The following CACNA1C variants were observed in gnomAD, a reference collection of about 807,000 sequenced individuals.
The protein encoded by CACNA1C is calcium voltage-gated channel subunit alpha1 C, also known as voltage-dependent L-type calcium channel subunit alpha-1C.
A neutral mutation model predicts 229.0 loss-of-function variants in CACNA1C; 30 were observed. The ratio of observed to expected loss-of-function variants is 0.13; its 90% CI spans 0.10 to 0.18. CACNA1C has a LOEUF of 0.18. CACNA1C is among the 10% of genes least tolerant of loss of function. The probability of loss-of-function intolerance (pLI) is 1.00; values close to 1 mark genes in which losing one functional copy is unlikely to be tolerated. For missense variants in CACNA1C, 1,658 were observed against 2,845.0 expected (o/e 0.58, Z 9.49); for synonymous variants, 1,114 against 1,132.5 (o/e 0.98, Z 0.33).
At chr12:2,606,567 A>C in intron 24 of CACNA1C, 44 bp from the exon 25 acceptor site, 1 of 1,522,298 alleles carries the variant, frequency 6.6e-7, no homozygotes. Context: ...GGATTGACTC[A>C]TTGATTACTG....
chr12:2,379,961 G>A (rs1042206830), intron 3 of CACNA1C, among the ~76,000 whole-genome samples: 3 of 144,868 alleles, frequency 2.1e-5, no homozygotes, highest in African/African-American at 7.7e-5. Context: ...AACCCGGGAG[G>A]CGGAGCTTGC....
At chr12:2,523,079 C>T (rs748009338) in intron 9 of CACNA1C, among the ~76,000 whole-genome samples, 1 of 145,036 alleles carries the variant, frequency 6.9e-6, no homozygotes, top group African/African-American at 2.6e-5. Flanking sequence ...TTGCATTTAT[C>T]GCTTCAGCCT....
intron 6 of CACNA1C, among the ~76,000 whole-genome samples, chr12:2,487,268 A>G (rs1053156592): frequency 6.6e-6 from 1 of 151,820 alleles, no homozygotes; most frequent in African/African-American, 2.4e-5. Context: ...CATCTGCCGG[A>G]AACAGTGAAG....
chr12:2,691,263 A>C lies in CACNA1C; in HGVS notation c.*64A>C. On this transcript the variant is annotated 3_prime_UTR_variant, in exon 47 of 47. Coordinates refer to ENST00000399655, the MANE Select transcript of CACNA1C (RefSeq NM_000719.7). ...AATGTTCCTAATGGGTTCGTTTCAG[A>C]AGTGCCTCACTGTTCTCGTGACCTG... The C allele has an allele frequency of 7.0e-7, 1 of 1,430,514 alleles. No individual in the cohort carries two copies. The highest frequency in any genetic ancestry group is 9.3e-7 in the Non-Finnish European group (1 of 1,076,298). The allele number at this position is 1,430,514 out of a possible 1,614,324, so 88.6% of individuals were successfully genotyped here.
intron 1 of CACNA1C, among the ~76,000 whole-genome samples, chr12:2,087,277 C>T (rs1206355177): frequency 6.6e-6 from 1 of 152,230 alleles, no homozygotes; most frequent in Non-Finnish European, 1.5e-5. Context: ...TCCTCAGGGA[C>T]AGCCCATCCC....
At position 2,601,097 on chromosome 12, in the gene CACNA1C, A is replaced by G. The variant is rs564711760; in HGVS notation, c.2854-757A>G. 2.4e-4 allele frequency among the ~76,000 whole-genome samples: 37 copies of G among 152,320 alleles called. No homozygotes were observed. Among genetic ancestry groups the G allele is most frequent in the Non-Finnish European group, 1.5e-5 (1 of 68,026 alleles). ...TGTGCTCTTAGCCACTGAGCCTCAT[A>G]GCCCCTCTGATCACACAACTTTTGC... is the stretch of plus-strand genomic sequence containing the variant. On this transcript the variant is annotated intron_variant, in intron 21 of 46. Transcript: ENST00000399655. The surrounding 1 kb of genome is among the most constrained non-coding windows in gnomAD (Gnocchi z 5.9).
chr12:2,132,223 G>C (rs1274956292), intron 3 of CACNA1C, among the ~76,000 whole-genome samples: 2 of 143,098 alleles, frequency 1.4e-5, no homozygotes, highest in East Asian at 2.0e-4. Context: ...ATGGGGTTTT[G>C]TAGATATACA....
chr12:2,543,654 C>A (rs1398910615), intron 9 of CACNA1C, among the ~76,000 whole-genome samples: 7 of 152,248 alleles, frequency 4.6e-5, no homozygotes, highest in African/African-American at 1.4e-4. Flanking sequence ...AGAAAGGAAC[C>A]TTTAGATATA....
At chr12:2,505,253 C>T (rs1265475814) in intron 8 of CACNA1C, among the ~76,000 whole-genome samples, 4 of 152,140 alleles carry the variant, frequency 2.6e-5, no homozygotes, top group Non-Finnish European at 5.9e-5. Flanking sequence ...CTCTGGTGAA[C>T]AGGCCTGGGT....
In CACNA1C at chr12:2,529,834, A is replaced by G. The variant is rs575813032; in HGVS notation, c.1390+16850A>G. On this transcript the variant is annotated intron_variant, in intron 9 of 46. Transcript: ENST00000399655. The stretch of plus-strand genomic sequence containing the variant: ...AATACTTCTCATTTTATCCTTTCTC[A>G]GGAAGGCCAGCTAGCCAGCTAAGAA... Among the ~76,000 whole-genome samples the G allele has an allele frequency of 8.5e-5, 13 of 152,298 alleles. No individual in the cohort carries two copies. The East Asian group carries it at 2.5e-3, about 29-fold the overall frequency.
chr12:2,257,590 G>C (rs1018057197), intron 3 of CACNA1C, among the ~76,000 whole-genome samples: 3 of 152,188 alleles, frequency 2.0e-5, no homozygotes, highest in African/African-American at 7.2e-5. Context: ...CTTGCCCACC[G>C]CTCATCTCCT....
At chr12:2,035,395 G>C (rs2048954336) in intron 1 of CACNA1C, among the ~76,000 whole-genome samples, 2 of 152,248 alleles carry the variant, frequency 1.3e-5, no homozygotes, top group Non-Finnish European at 2.9e-5. Flanking sequence ...AAGAGGGGCA[G>C]TCATGAGGCT....
At chr12:2,379,672 G>T (rs2098177710) in intron 3 of CACNA1C, among the ~76,000 whole-genome samples, 1 of 152,152 alleles carries the variant, frequency 6.6e-6, no homozygotes, top group African/African-American at 2.4e-5. Flanking sequence ...ACAGTCATCT[G>T]GAAGTGACAT....
intron 1 of CACNA1C, among the ~76,000 whole-genome samples, chr12:2,063,497 T>A (rs1221577788): frequency 6.6e-6 from 1 of 152,222 alleles, no homozygotes; most frequent in East Asian, 1.9e-4. Context: ...AGTCTGACTG[T>A]TGATAACATA....
At chr12:2,422,892 C>A (rs2098992864) in intron 3 of CACNA1C, among the ~76,000 whole-genome samples, 1 of 152,178 alleles carries the variant, frequency 6.6e-6, no homozygotes, top group Non-Finnish European at 1.5e-5. Flanking sequence ...CTGGCCAGGT[C>A]AGGGTGTGGG....
intron 32 of CACNA1C, among the ~76,000 whole-genome samples, chr12:2,652,895 C>CTCCCA (rs2095151673): frequency 6.6e-6 from 1 of 151,672 alleles, no homozygotes; most frequent in Admixed American, 6.6e-5. Flanking sequence ...CTCTCCCTGC[C>CTCCCA]CCCCCGACAT....
intron 1 of CACNA1C, among the ~76,000 whole-genome samples, chr12:2,010,404 G>A (rs1470170379): frequency 6.6e-6 from 1 of 152,122 alleles, no homozygotes; most frequent in Non-Finnish European, 1.5e-5. Context: ...CTACCAGGGG[G>A]GGCTTTTGCT....
Position 2,677,695 on chromosome 12 carries a change from G to A in CACNA1C, c.4957-38G>A. On this transcript the variant is annotated intron_variant, in intron 40 of 46. Transcript: ENST00000399655. This position sits in a 1 kb window ranked among gnomAD's most constrained non-coding sequence, Gnocchi z 7.4. The stretch of plus-strand genomic sequence containing the variant: ...GGCTGGCTGGGGAGCTTGGAGGAAA[G>A]GGAGCGTGGTCCTCACCATCCTCCC... 1.3e-6 allele frequency: 2 copies of A among 1,596,254 alleles called. No homozygotes were observed. The highest frequency in any genetic ancestry group is 2.3e-5 in the South Asian group (2 of 88,556).
chr12:2,591,654 G>A (rs965571193), intron 18 of CACNA1C, among the ~76,000 whole-genome samples: 2 of 152,016 alleles, frequency 1.3e-5, no homozygotes, highest in Non-Finnish European at 2.9e-5. Flanking sequence ...GAGAGAGAGA[G>A]CATGAGGAAG....
Sources: gnomAD v4.1 joint callset for allele counts (sites outside exome capture counted in the v4.1 genomes callset) on GRCh38, gnomAD v4.1.1 for gene constraint, Gnocchi (gnomAD v3.1) non-coding constraint, MANE v1.5 for transcripts, NCBI Gene and HGNC (gene_info 2026-07-23, HGNC 2026-07-21) for gene names.